MR1: variants seen among roughly 807,000 people sequenced by gnomAD.
MR1 encodes major histocompatibility complex, class I-related.
A neutral mutation model predicts 37.8 loss-of-function variants in MR1; 44 were observed. That is an observed-to-expected ratio of 1.16 (90% CI 0.91 to 1.50). MR1 has a LOEUF of 1.50. MR1 is among the 40% of genes most tolerant of loss of function. The pLI, the probability that MR1 is intolerant of heterozygous loss-of-function variation, is 0.00. For synonymous variants in MR1, 153 were observed against 155.8 expected, an observed-to-expected ratio of 0.98 and a Z score of 0.13; for missense variants, 386 against 419.1, an observed-to-expected ratio of 0.92 and a Z score of 0.69.
upstream of MR1, chr1:181,033,511 G>A (rs189614061): frequency 6.5e-5 from 10 of 152,888 alleles, no homozygotes; most frequent in Admixed American, 5.2e-4. Context: ...TAGCAGGGAG[G>A]ACAGACCTAA....
At chr1:181,034,204 A>AG (rs61482628) in intron 1 of MR1, 130 bp downstream of exon 1, 168,765 of 696,536 alleles carry the variant, frequency 0.24, 23,634 homozygotes, top group African/African-American at 0.47. Context: ...TATTACACTC[A>AG]GACTCCAGGA....
At chr1:181,042,444 AC>A (rs1253944590) in intron 1 of MR1, among the ~76,000 whole-genome samples, 8 of 147,502 alleles carry the variant, frequency 5.4e-5, no homozygotes, top group African/African-American at 2.0e-4. Flanking sequence ...TAGGTGATCC[AC>A]CCACCTCGGC....
chr1:181,046,096 C>T (rs1018552361), intron 1 of MR1, among the ~76,000 whole-genome samples: 1 of 152,250 alleles, frequency 6.6e-6, no homozygotes, highest in Non-Finnish European at 1.5e-5. Context: ...CTGCAGCCCG[C>T]CATGCCTGAG....
chr1:181,038,210 G>A (rs1657371439), intron 1 of MR1, among the ~76,000 whole-genome samples: 1 of 152,204 alleles, frequency 6.6e-6, no homozygotes, highest in African/African-American at 2.4e-5. Context: ...AGCCTCAGAA[G>A]AGTAGCTCAC....
intron 2 of MR1, chr1:181,049,802 T>C: frequency 1.7e-6 from 1 of 592,546 alleles, no homozygotes. Flanking sequence ...AGCACACTCC[T>C]TTGACAGGCA....
intron 1 of MR1, among the ~76,000 whole-genome samples, chr1:181,047,680 G>A (rs1380296116): frequency 6.6e-6 from 1 of 152,052 alleles, no homozygotes; most frequent in South Asian, 2.1e-4. Flanking sequence ...GGCGGATCAC[G>A]AGGTCAGGAG....
At chr1:181,049,453 A>G (rs529119226) in intron 2 of MR1, 141 bp downstream of exon 2, 192 of 1,015,374 alleles carry the variant, frequency 1.9e-4, no homozygotes, top group Non-Finnish European at 2.7e-4. Flanking sequence ...GGTGGAGTTC[A>G]GGGCCTCCCA....
intron 1 of MR1, among the ~76,000 whole-genome samples, chr1:181,043,074 C>T (rs962928592): frequency 1.3e-5 from 2 of 152,158 alleles, no homozygotes; most frequent in Non-Finnish European, 2.9e-5. Context: ...ATTGGTTTTA[C>T]GACAGAACTC....
intron 1 of MR1, among the ~76,000 whole-genome samples, chr1:181,046,677 T>C (rs1657893252): frequency 6.6e-6 from 1 of 152,064 alleles, no homozygotes; most frequent in Admixed American, 6.5e-5. Flanking sequence ...CGGGTCCGCT[T>C]CCACACTGTG....
At position 181,057,406 on chromosome 1, in the gene MR1, A is replaced by T. The variant is rs1026955067; in HGVS notation, c.*2141A>T. The T allele has an allele frequency of 6.6e-6, 1 of 152,206 alleles. No individual in the cohort carries two copies. Among genetic ancestry groups the T allele is most frequent in the African/African-American group, 2.4e-5 (1 of 41,458 alleles). The allele number at this position is 152,206 out of a possible 1,614,324, so 9.4% of individuals were successfully genotyped here. ...TCTTCTTACAATCAGAATAGTTAGG[A>T]TGTAATATATTTTTGGGTGGGCATT... On this transcript the variant is annotated 3_prime_UTR_variant, in exon 6 of 6. Coordinates refer to ENST00000367580, the MANE Select transcript of MR1 (RefSeq NM_001385161.1).
chr1:181,038,811 CT>C (rs1298673209), intron 1 of MR1, among the ~76,000 whole-genome samples: 4 of 150,782 alleles, frequency 2.7e-5, no homozygotes, highest in East Asian at 3.9e-4. Flanking sequence ...ATTTTCTTTT[CT>C]TTTTTTTTGA....
upstream of MR1, chr1:181,033,612 G>C (rs3806283): frequency 0.29 from 46,474 of 159,028 alleles, 7,834 homozygotes; most frequent in African/African-American, 0.47. Flanking sequence ...GTTCCAAGCC[G>C]TGGGAACTGT....
chr1:181,052,025 C>G (rs1204914701), intron 3 of MR1, among the ~76,000 whole-genome samples: 1 of 152,172 alleles, frequency 6.6e-6, no homozygotes, highest in Non-Finnish European at 1.5e-5. Context: ...GGAGCATGGG[C>G]CAACTCCACA....
rs1296171513 is a variant in MR1 at position 181,047,899 on chromosome 1, CTAAAAAA to C, written c.68-1134_68-1128del. 1.2e-3 allele frequency among the ~76,000 whole-genome samples: 175 copies of C among 149,612 alleles called. 1 individual carries two copies. The highest frequency in any genetic ancestry group is 1.6e-3 in the Non-Finnish European group (107 of 67,606). ...TGGGCGACAGAGTGAGACTCTGTCTCTAAAAAATAAAAAATAAAAAATAAATAAAATA... is the reference window on the plus strand; with the variant it reads ...TGGGCGACAGAGTGAGACTCTGTCTCTAAAAAATAAAAAATAAATAAAATA... On this transcript the variant is annotated intron_variant, in intron 1 of 5. Transcript: ENST00000367580.
At chr1:181,039,876 A>G (rs962039067) in intron 1 of MR1, among the ~76,000 whole-genome samples, 1 of 151,742 alleles carries the variant, frequency 6.6e-6, no homozygotes, top group African/African-American at 2.4e-5. Flanking sequence ...AAAAAAAAAA[A>G]AAAAAGAAAA....
intron 1 of MR1, among the ~76,000 whole-genome samples, chr1:181,042,621 G>C (rs1657623409): frequency 1.3e-5 from 2 of 151,608 alleles, no homozygotes; most frequent in Non-Finnish European, 2.9e-5. Flanking sequence ...GGCCAACGTG[G>C]CAAAAACCCG....
rs760412421 is a variant in MR1 at position 181,049,155 on chromosome 1, A to G, written c.171A>G (p.Thr57=). The change falls in exon 2 of 6, where the codon ACA becomes ACG. Residue 57 remains threonine, a synonymous_variant. Coordinates refer to ENST00000367580, the MANE Select transcript of MR1 (RefSeq NM_001385161.1). ...ACGTGGACTCGCACCCTATCACCACATATGACAGTGTCACTCGGCAGAAGG... is the reference window on the plus strand; with the variant it reads ...ACGTGGACTCGCACCCTATCACCACGTATGACAGTGTCACTCGGCAGAAGG... ...VGYVDSHPIT[T]YDSVTRQKEP... is the part of the protein sequence containing the mutation. 4 of 1,614,194 alleles carry G rather than the reference A, an allele frequency of 2.5e-6. No individual in the cohort carries two copies. The highest frequency in any genetic ancestry group is 1.1e-5 in the South Asian group (1 of 91,086).
chr1:181,039,976 T>C (rs1343029356), intron 1 of MR1, among the ~76,000 whole-genome samples: 1 of 152,118 alleles, frequency 6.6e-6, no homozygotes, highest in Admixed American at 6.5e-5. Context: ...TTTGTAAGAA[T>C]GGCCCAACTG....
At chr1:181,041,149 G>T (rs1479930750) in intron 1 of MR1, among the ~76,000 whole-genome samples, 1 of 152,074 alleles carries the variant, frequency 6.6e-6, no homozygotes, top group Non-Finnish European at 1.5e-5. Flanking sequence ...GGACAGTATT[G>T]TCAACAGACC....
Sources: allele counts gnomAD v4.1 joint callset (sites outside exome capture counted in the v4.1 genomes callset), GRCh38; gene constraint gnomAD v4.1.1; transcripts MANE v1.5; gene names NCBI Gene and HGNC (gene_info 2026-07-23, HGNC 2026-07-21).